The following PAK2 variants were observed in gnomAD, a reference collection of about 807,000 sequenced individuals.
PAK2 encodes the protein p21 (RAC1) activated kinase 2.
Under a neutral mutation model 65.9 loss-of-function variants are expected in PAK2, and 21 were observed. The ratio of observed to expected loss-of-function variants is 0.32; its 90% confidence interval spans 0.23 to 0.46. The LOEUF (loss-of-function observed/expected upper bound fraction) is 0.46, where lower values mean the gene tolerates loss of function less well. Among genes scored for constraint, PAK2 ranks in the 20% least tolerant of loss-of-function variants. PAK2 has a pLI of 1.00. For missense variants in PAK2, 324 were observed against 642.6 expected (o/e 0.50, Z 5.36); for synonymous variants, 204 against 219.7 (o/e 0.93, Z 0.63).
intron 1 of PAK2, among the ~76,000 whole-genome samples, chr3:196,768,342 C>G (rs141501405): frequency 1.5e-4 from 23 of 151,904 alleles, no homozygotes; most frequent in African/African-American, 3.4e-4. Context: ...TATTGATAGT[C>G]CTTTTTGTAT....
chr3:196,744,515 G>C (rs140322023), intron 1 of PAK2, among the ~76,000 whole-genome samples: 3 of 152,302 alleles, frequency 2.0e-5, no homozygotes, highest in Non-Finnish European at 4.4e-5. Context: ...TCCAGCCTGG[G>C]TGACAGAGCA....
chr3:196,769,838 A>G (rs926783779), intron 1 of PAK2, among the ~76,000 whole-genome samples: 6 of 145,154 alleles, frequency 4.1e-5, no homozygotes, highest in African/African-American at 5.0e-5. Flanking sequence ...AGAAAAAGAA[A>G]AAGAAATTCC....
At chr3:196,815,443 A>T (rs188084067) in intron 11 of PAK2, among the ~76,000 whole-genome samples, 1 of 148,246 alleles carries the variant, frequency 6.7e-6, no homozygotes, top group East Asian at 2.0e-4. Context: ...AGTGAGCCAA[A>T]ATTGCGCCAC....
chr3:196,798,809 C>G (rs1465383615), intron 2 of PAK2, among the ~76,000 whole-genome samples: 3 of 152,168 alleles, frequency 2.0e-5, no homozygotes, highest in South Asian at 4.1e-4. Context: ...TGTCTCAATA[C>G]ATGGAGAAAA....
At chr3:196,795,319 ATT>A (rs1715222313) in intron 2 of PAK2, among the ~76,000 whole-genome samples, 1 of 151,684 alleles carries the variant, frequency 6.6e-6, no homozygotes. Flanking sequence ...AAAAAGAAAA[ATT>A]ATCTGGGCAG....
intron 1 of PAK2, among the ~76,000 whole-genome samples, chr3:196,760,994 T>G (rs1316576127): frequency 1.3e-5 from 2 of 152,074 alleles, no homozygotes; most frequent in African/African-American, 2.4e-5. Context: ...CCCAGCACTT[T>G]GGGAGGCTGA....
chr3:196,812,350 G>A (rs1040263357), intron 9 of PAK2, 83 bp downstream of exon 9: 13 of 843,748 alleles, frequency 1.5e-5, no homozygotes, highest in African/African-American at 6.6e-5. Context: ...AGAAGCAATA[G>A]GAACCTCTTT....
chr3:196,818,581 G>A (rs1711550343), intron 12 of PAK2, among the ~76,000 whole-genome samples: 1 of 152,102 alleles, frequency 6.6e-6, no homozygotes, highest in African/African-American at 2.4e-5. Flanking sequence ...TGGTCAGGCT[G>A]GTCTCTAGCT....
intron 13 of PAK2, among the ~76,000 whole-genome samples, chr3:196,821,423 C>T (rs910192958): frequency 6.6e-5 from 10 of 152,016 alleles, no homozygotes; most frequent in Non-Finnish European, 1.2e-4. Flanking sequence ...TATTGGTGAC[C>T]GGGTGCGGTG....
intron 1 of PAK2, among the ~76,000 whole-genome samples, chr3:196,742,027 T>C (rs886982340): frequency 2.6e-5 from 4 of 152,050 alleles, no homozygotes; most frequent in African/African-American, 9.7e-5. Flanking sequence ...AGTTCGAGTA[T>C]ACAGGCGATA....
chr3:196,762,368 T>C (rs1223243822), intron 1 of PAK2, among the ~76,000 whole-genome samples: 9 of 140,224 alleles, frequency 6.4e-5, no homozygotes, highest in Non-Finnish European at 7.9e-5. Context: ...GAGGTTGTAG[T>C]GAGCCGAGAT....
intron 1 of PAK2, among the ~76,000 whole-genome samples, chr3:196,741,442 A>C (rs1474831524): frequency 6.6e-6 from 1 of 152,156 alleles, no homozygotes; most frequent in African/African-American, 2.4e-5. Flanking sequence ...AGCCTTTTTC[A>C]TGTTCTGTTA....
At chr3:196,789,795 G>T (rs1665691806) in intron 2 of PAK2, among the ~76,000 whole-genome samples, 1 of 152,182 alleles carries the variant, frequency 6.6e-6, no homozygotes, top group Non-Finnish European at 1.5e-5. Flanking sequence ...GGCTGACGGG[G>T]GGGTGGTTTC....
intron 1 of PAK2, among the ~76,000 whole-genome samples, chr3:196,756,744 A>C (rs539945264): frequency 6.6e-6 from 1 of 152,124 alleles, no homozygotes; most frequent in South Asian, 2.1e-4. Flanking sequence ...GCTGAGGCAG[A>C]AGAATCGCTT....
At chr3:196,769,879 C>T (rs1714308204) in intron 1 of PAK2, among the ~76,000 whole-genome samples, 1 of 152,018 alleles carries the variant, frequency 6.6e-6, no homozygotes, top group African/African-American at 2.4e-5. Context: ...CTGCATGTTG[C>T]ACTTTGCCCC....
chr3:196,820,606 C>A lies in PAK2; in HGVS notation c.1350+39C>A. 1 of 1,155,992 alleles carries A rather than the reference C, an allele frequency of 8.7e-7. No homozygotes were observed. Among genetic ancestry groups the A allele is most frequent in the Non-Finnish European group, 1.2e-6 (1 of 820,938 alleles). The allele number at this position is 1,155,992 out of a possible 1,614,324, so 71.6% of individuals were successfully genotyped here. On this transcript the variant is annotated intron_variant, in intron 13 of 14. Transcript: ENST00000327134. The surrounding 1 kb of genome is among the most constrained non-coding windows in gnomAD (Gnocchi z 4.6). ...AACACCAGCCTTGTTCAATGTTTTT[C>A]TTTGAAACTCTTATTTAGAACTTGC...
At chr3:196,762,608 G>A (rs1446600682) in intron 1 of PAK2, among the ~76,000 whole-genome samples, 1 of 151,462 alleles carries the variant, frequency 6.6e-6, no homozygotes, top group Non-Finnish European at 1.5e-5. Context: ...ATCAGACAGG[G>A]AGGTTGCAGT....
chr3:196,812,277 T>C lies in PAK2; in HGVS notation c.822+10T>C. ...TGCACTGGGACAGGAGGTAGTTACT[T>C]TGTTGTAATCCTGGGTGTTACCATT... On this transcript the variant is annotated intron_variant, in intron 9 of 14. Transcript: ENST00000327134. The C allele has an allele frequency of 6.6e-7, 1 of 1,526,304 alleles. No homozygotes were observed. The highest frequency in any genetic ancestry group is 9.1e-7 in the Non-Finnish European group (1 of 1,100,122). 94.5% of individuals were successfully genotyped at this position (1,526,304 alleles called of 1,614,324 possible).
At chr3:196,814,713 C>T in intron 11 of PAK2, 145 bp downstream of exon 11, 2 of 588,886 alleles carry the variant, frequency 3.4e-6, no homozygotes, top group South Asian at 2.0e-5. Flanking sequence ...ATCTCCGTGC[C>T]ATTTCATCCT....
Sources: allele counts gnomAD v4.1 joint callset (sites outside exome capture counted in the v4.1 genomes callset), GRCh38; gene constraint gnomAD v4.1.1; non-coding constraint Gnocchi (gnomAD v3.1); transcripts MANE v1.5; gene names NCBI Gene and HGNC (gene_info 2026-07-23, HGNC 2026-07-21).